Variants in CALCR observed in about 807,000 individuals in gnomAD.
CALCR encodes calcitonin receptor.
In CALCR, 47 loss-of-function variants were observed where a neutral mutation model predicts 59.5. The observed-to-expected ratio is 0.79, with a 90% CI of 0.63 to 1.01. CALCR has a LOEUF of 1.01. Among genes scored for constraint, CALCR ranks in the 50% least tolerant of loss-of-function variants. The probability of loss-of-function intolerance (pLI) is 0.00; values close to 1 mark genes in which losing one functional copy is unlikely to be tolerated. For synonymous variants in CALCR, 213 were observed against 211.3 expected, an observed-to-expected ratio of 1.01 and a Z score of -0.07; for missense variants, 566 against 597.1, an observed-to-expected ratio of 0.95 and a Z score of 0.54.
rs1800574649 is a variant in CALCR at position 93,472,459 on chromosome 7, T to G, written c.345A>C (p.Lys115Asn). ...TTTCAGGATGTTTAAACCAAACACC[T>G]TTTTCATCACAGTATTTTGTAACCT... ...SEKVTKYCDE[K>N]GVWFKHPENN... is the part of the protein sequence containing the mutation. Residue 115 changes from lysine (K) to asparagine (N), a missense_variant, in exon 6 of 14, where the codon AAA (lysine) becomes AAC (asparagine). Coordinates refer to ENST00000426151, the MANE Select transcript of CALCR (RefSeq NM_001742.4). 1 of 1,603,826 alleles carries G rather than the reference T, an allele frequency of 6.2e-7. No individual in the cohort carries two copies. Among genetic ancestry groups the G allele is most frequent in the Non-Finnish European group, 8.5e-7 (1 of 1,171,656 alleles).
chr7:93,438,755 C>T (rs207468269), intron 9 of CALCR, among the ~76,000 whole-genome samples: 2 of 152,088 alleles, frequency 1.3e-5, no homozygotes, highest in Non-Finnish European at 2.9e-5. Context: ...GTTTTTCTGT[C>T]TGTTTATATC....
At chr7:93,524,322 A>G (rs1461478872) in intron 2 of CALCR, among the ~76,000 whole-genome samples, 3 of 151,706 alleles carry the variant, frequency 2.0e-5, no homozygotes, top group African/African-American at 7.3e-5. Context: ...GGCGCCTGCC[A>G]CCACGCCCGG....
Position 93,426,462 on chromosome 7 carries a change from A to G in CALCR, c.1319T>C (p.Ile440Thr), listed in dbSNP as rs565014435. The G allele has an allele frequency of 6.2e-7, 1 of 1,613,902 alleles. No individual in the cohort carries two copies. Among genetic ancestry groups the G allele is most frequent in the South Asian group, 1.1e-5 (1 of 91,080 alleles). ...CCTCAGCTCCTGATGGCAGATGTAA[A>G]TTGGGATGTCGCCAGCCTCCGCAGC... is the stretch of plus-strand genomic sequence containing the variant. ...AAAAEAGDIP[I>T]YICHQELRNE... Residue 440 changes from isoleucine (I) to threonine (T), a missense_variant, in exon 14 of 14, where the codon ATT (isoleucine) becomes ACT (threonine). By Grantham distance (89) the Ile-to-Thr change is moderately conservative. Coordinates refer to ENST00000426151, the MANE Select transcript of CALCR (RefSeq NM_001742.4).
At chr7:93,495,117 G>A (rs935244935) in intron 2 of CALCR, among the ~76,000 whole-genome samples, 1 of 151,330 alleles carries the variant, frequency 6.6e-6, no homozygotes, top group African/African-American at 2.4e-5. Flanking sequence ...CTGGACCCAG[G>A]TAGAAAGGAC....
intron 8 of CALCR, among the ~76,000 whole-genome samples, chr7:93,455,109 C>A (rs1800183917): frequency 6.6e-6 from 1 of 151,970 alleles, no homozygotes; most frequent in African/African-American, 2.4e-5. Flanking sequence ...GATTCAGTGA[C>A]CCTGAATTGG....
chr7:93,554,216 A>G (rs867349673), intron 2 of CALCR, among the ~76,000 whole-genome samples: 1 of 152,192 alleles, frequency 6.6e-6, no homozygotes, highest in African/African-American at 2.4e-5. Context: ...TTAATAAGCC[A>G]TCATGAAAAT....
chr7:93,521,570 A>G (rs1383062611), intron 2 of CALCR, among the ~76,000 whole-genome samples: 1 of 152,118 alleles, frequency 6.6e-6, no homozygotes, highest in African/African-American at 2.4e-5. Flanking sequence ...ACAGAGCTAT[A>G]AGATCCCTTT....
At chr7:93,435,099 C>G (rs1168394236) in intron 12 of CALCR, among the ~76,000 whole-genome samples, 1 of 152,116 alleles carries the variant, frequency 6.6e-6, no homozygotes, top group Non-Finnish European at 1.5e-5. Flanking sequence ...GGAACTAGGG[C>G]AGCCATTCTC....
At chr7:93,511,163 A>G (rs547032060) in intron 2 of CALCR, among the ~76,000 whole-genome samples, 1 of 152,216 alleles carries the variant, frequency 6.6e-6, no homozygotes, top group East Asian at 1.9e-4. Context: ...ACACAAACAT[A>G]TGTAATTAAG....
intron 2 of CALCR, among the ~76,000 whole-genome samples, chr7:93,560,523 C>T (rs952934521): frequency 1.3e-5 from 2 of 152,008 alleles, no homozygotes; most frequent in Non-Finnish European, 2.9e-5. Flanking sequence ...CTGTAGGATC[C>T]TACTTTTCAG....
intron 2 of CALCR, among the ~76,000 whole-genome samples, chr7:93,508,468 T>C (rs1801476722): frequency 6.6e-6 from 1 of 152,218 alleles, no homozygotes; most frequent in Non-Finnish European, 1.5e-5. Context: ...ATTACTTTTA[T>C]ATGCAGTTTT....
At chr7:93,525,039 A>G (rs538012695) in intron 2 of CALCR, among the ~76,000 whole-genome samples, 2 of 152,308 alleles carry the variant, frequency 1.3e-5, no homozygotes, top group South Asian at 2.1e-4. Context: ...AAAATACTTC[A>G]TAATTATAAT....
chr7:93,476,427 A>G (rs3802046), intron 5 of CALCR, among the ~76,000 whole-genome samples: 70,161 of 151,468 alleles, frequency 0.46, 16,478 homozygotes, highest in South Asian at 0.56. Context: ...TAAGTTTGGT[A>G]TGTGTGTGTA....
Position 93,477,698 on chromosome 7 carries a change from A to G in CALCR, c.206-30T>C, listed in dbSNP as rs757751809. On this transcript the variant is annotated intron_variant, in intron 4 of 13. Transcript: ENST00000426151. ...CCATTTAGAAGGAAATTGATATTGA[A>G]GCCTTGTGGATTTAACTAAATGAGA... The G allele has an allele frequency of 2.9e-6, 4 of 1,374,118 alleles. No homozygotes were observed. The Admixed American group carries it at 6.7e-5, about 23-fold the overall frequency. The allele number at this position is 1,374,118 out of a possible 1,614,324, so 85.1% of individuals were successfully genotyped here. A position where few individuals can be genotyped will look rare whatever the true frequency, so the allele number is the denominator to read the frequency against.
intron 2 of CALCR, among the ~76,000 whole-genome samples, chr7:93,527,417 CA>C (rs1788686352): frequency 1.3e-5 from 2 of 151,828 alleles, no homozygotes. Flanking sequence ...CAAGTTGTCC[CA>C]AAAAGCTTAG....
rs534879143 is a variant in CALCR at position 93,562,907 on chromosome 7, A to G, written c.-27+11382T>C. Among the ~76,000 whole-genome samples the G allele has an allele frequency of 3.3e-5, 5 of 152,336 alleles. No individual in the cohort carries two copies. In the East Asian group the frequency reaches 7.7e-4, roughly 23 times the overall value. On this transcript the variant is annotated intron_variant, in intron 2 of 13. Transcript: ENST00000426151. ...TGAAAGGGAAAAAGCTTTGGACTAA[A>G]GCATGTTCAAATATAGAACGTATGA...
intron 2 of CALCR, among the ~76,000 whole-genome samples, chr7:93,502,428 T>C (rs186537159): frequency 1.3e-5 from 2 of 152,292 alleles, no homozygotes; most frequent in East Asian, 3.9e-4. Context: ...AACATGCCCA[T>C]TGAAAATAAT....
chr7:93,515,819 G>A (rs1278965083), intron 2 of CALCR, among the ~76,000 whole-genome samples: 1 of 152,040 alleles, frequency 6.6e-6, no homozygotes, highest in Non-Finnish European at 1.5e-5. Context: ...TTTAAGAAAT[G>A]TCAAAATCTG....
chr7:93,555,687 CAT>C (rs1404454537), intron 2 of CALCR, among the ~76,000 whole-genome samples: 1 of 148,484 alleles, frequency 6.7e-6, no homozygotes, highest in Non-Finnish European at 1.5e-5. Flanking sequence ...ATCAAAGTGG[CAT>C]AGATTAAGCA....
Sources: gnomAD v4.1 joint callset for allele counts (sites outside exome capture counted in the v4.1 genomes callset) on GRCh38, gnomAD v4.1.1 for gene constraint, MANE v1.5 for transcripts, NCBI Gene and HGNC (gene_info 2026-07-23, HGNC 2026-07-21) for gene names.